MED12L: variants seen among roughly 807,000 people sequenced by gnomAD.
MED12L encodes mediator complex subunit 12L.
In MED12L, 60 loss-of-function variants were observed where a neutral mutation model predicts 281.3. The ratio of observed to expected loss-of-function variants is 0.21; its 90% CI spans 0.17 to 0.26. MED12L has a LOEUF of 0.26. Among genes scored for constraint, MED12L ranks in the 10% least tolerant of loss-of-function variants. The probability of loss-of-function intolerance (pLI) is 1.00; values close to 1 mark genes in which losing one functional copy is unlikely to be tolerated. For synonymous variants in MED12L, 974 were observed against 987.2 expected, an observed-to-expected ratio of 0.99 and a Z score of 0.25; for missense variants, 2,146 against 2,680.9, an observed-to-expected ratio of 0.80 and a Z score of 4.41.
At chr3:151,365,464 CAT>C (rs1297689777) in intron 22 of MED12L, among the ~76,000 whole-genome samples, 2 of 151,874 alleles carry the variant, frequency 1.3e-5, no homozygotes, top group African/African-American at 2.4e-5. Context: ...TTTTCAAAAA[CAT>C]ATAATAAAAA....
At chr3:151,164,503 A>G (rs892616845) in intron 9 of MED12L, among the ~76,000 whole-genome samples, 10 of 152,212 alleles carry the variant, frequency 6.6e-5, no homozygotes, top group Non-Finnish European at 1.3e-4. Flanking sequence ...TACTGGGTAT[A>G]TACCCAAAGG....
chr3:151,246,104 C>T (rs1351126669), intron 16 of MED12L, among the ~76,000 whole-genome samples: 1 of 151,966 alleles, frequency 6.6e-6, no homozygotes, highest in Admixed American at 6.6e-5. Context: ...CAAACCACTG[C>T]TCAAGGAAAT....
At chr3:151,304,925 G>T (rs936665317) in intron 16 of MED12L, among the ~76,000 whole-genome samples, 2 of 152,248 alleles carry the variant, frequency 1.3e-5, no homozygotes, top group Admixed American at 1.3e-4. Flanking sequence ...GGGGGTTGAG[G>T]GGGGTGGATC....
At chr3:151,179,201 G>A (rs1722430034) in intron 11 of MED12L, among the ~76,000 whole-genome samples, 1 of 152,066 alleles carries the variant, frequency 6.6e-6, no homozygotes, top group Non-Finnish European at 1.5e-5. Context: ...TTAGCCAGGC[G>A]AGGTGGCACC....
At chr3:151,123,632 C>G (rs1198633938) in intron 4 of MED12L, among the ~76,000 whole-genome samples, 1 of 152,154 alleles carries the variant, frequency 6.6e-6, no homozygotes, top group Non-Finnish European at 1.5e-5. Flanking sequence ...CTAGAAACCT[C>G]GCTTATAGTC....
At chr3:151,317,043 AT>A (rs922004844) in intron 16 of MED12L, 24 of 149,678 alleles carry the variant, frequency 1.6e-4, no homozygotes, top group African/African-American at 3.7e-4. Context: ...TTTTTAGGTC[AT>A]TTTTTTTTTC....
At chr3:151,361,173 A>T (rs999640409) in intron 21 of MED12L, among the ~76,000 whole-genome samples, 1 of 152,212 alleles carries the variant, frequency 6.6e-6, no homozygotes, top group African/African-American at 2.4e-5. Flanking sequence ...CTGGTGACTC[A>T]TAGAAGGTTC....
At chr3:151,208,594 A>C (rs13088484) in intron 16 of MED12L, among the ~76,000 whole-genome samples, 7,726 of 152,242 alleles carry the variant, frequency 0.051, 276 homozygotes, top group Middle Eastern at 0.082. Flanking sequence ...AGGCAGGAGA[A>C]TCGAACCCTG....
chr3:151,160,980 T>C (rs562196833), intron 8 of MED12L, among the ~76,000 whole-genome samples: 1 of 152,342 alleles, frequency 6.6e-6, no homozygotes, highest in South Asian at 2.1e-4. Flanking sequence ...GGCTGGTCAG[T>C]TATCTTTTGT....
intron 11 of MED12L, among the ~76,000 whole-genome samples, chr3:151,170,250 G>A (rs189224163): frequency 6.6e-6 from 1 of 152,040 alleles, no homozygotes; most frequent in African/African-American, 2.4e-5. Context: ...ATTCCACATG[G>A]AATGCACTAT....
intron 5 of MED12L, among the ~76,000 whole-genome samples, chr3:151,155,816 T>A (rs1356452524): frequency 6.6e-6 from 1 of 152,238 alleles, no homozygotes; most frequent in Non-Finnish European, 1.5e-5. Context: ...TTTTTTGATA[T>A]ACTAACTGAT....
chr3:151,138,809 A>G (rs1716513248), intron 5 of MED12L, among the ~76,000 whole-genome samples: 1 of 152,202 alleles, frequency 6.6e-6, no homozygotes, highest in Non-Finnish European at 1.5e-5. Context: ...AGCACTTACC[A>G]GGTTTTACAG....
At chr3:151,295,282 C>T in intron 16 of MED12L, 2 of 948,774 alleles carry the variant, frequency 2.1e-6, no homozygotes, top group Non-Finnish European at 3.2e-6. Context: ...GGTTCCCTTA[C>T]AGACCCAACT....
chr3:151,345,505 T>C lies in MED12L; in HGVS notation c.2251-4554T>C, dbSNP rs550635667. Among the ~76,000 whole-genome samples the C allele has an allele frequency of 3.1e-4, 14 of 44,714 alleles. No individual in the cohort carries two copies. In the South Asian group the frequency reaches 0.012, roughly 37 times the overall value. The allele number at this position is 44,714 out of a possible 152,430, so 29.3% of individuals were successfully genotyped here. A position where few individuals can be genotyped will look rare whatever the true frequency, so the allele number is the denominator to read the frequency against. ...TTTGAAGGCTTCTACGTTTTCTTTC[T>C]TTTTTCTTTTTCTTTTTTTTTTTTT... is the stretch of plus-strand genomic sequence containing the variant. On this transcript the variant is annotated intron_variant, in intron 16 of 44. Coordinates refer to ENST00000687756, the MANE Select transcript of MED12L (RefSeq NM_001393769.1).
intron 16 of MED12L, among the ~76,000 whole-genome samples, chr3:151,308,299 T>C (rs532510170): frequency 6.6e-5 from 10 of 152,234 alleles, no homozygotes; most frequent in Admixed American, 4.6e-4. Flanking sequence ...CTGTATCACA[T>C]TACTATGTAG....
At chr3:151,167,319 C>T (rs1386365227) in intron 11 of MED12L, among the ~76,000 whole-genome samples, 1 of 152,106 alleles carries the variant, frequency 6.6e-6, no homozygotes, top group Non-Finnish European at 1.5e-5. Flanking sequence ...TGAAAACTGC[C>T]GATGATAATA....
At chr3:151,218,866 C>CAAAAAAAAAAAA (rs397686351) in intron 16 of MED12L, among the ~76,000 whole-genome samples, 1 of 71,334 alleles carries the variant, frequency 1.4e-5, no homozygotes, top group African/African-American at 4.5e-5. Context: ...GACTCAGTCT[C>CAAAAAAAAAAAA]AAAAAAAAAA....
intron 40 of MED12L, 85 bp downstream of exon 40, chr3:151,409,417 A>T: frequency 8.6e-7 from 1 of 1,157,452 alleles, no homozygotes; most frequent in South Asian, 1.2e-5. Flanking sequence ...GAATATATCA[A>T]CTCCCTATAG....
chr3:151,153,103 T>C (rs1020256631), intron 5 of MED12L, among the ~76,000 whole-genome samples: 2 of 152,208 alleles, frequency 1.3e-5, no homozygotes, highest in African/African-American at 4.8e-5. Context: ...AACAAAGCAC[T>C]CAGTGTACTA....
Sources: gnomAD v4.1 joint callset for allele counts (sites outside exome capture counted in the v4.1 genomes callset) on GRCh38, gnomAD v4.1.1 for gene constraint, MANE v1.5 for transcripts, NCBI Gene and HGNC (gene_info 2026-07-23, HGNC 2026-07-21) for gene names.